The following WWOX variants were observed in gnomAD, a reference collection of about 807,000 sequenced individuals.
WWOX encodes the protein WW domain-containing oxidoreductase.
WWOX carries 69 observed loss-of-function variants against 46.2 expected under a neutral mutation model. The ratio of observed to expected loss-of-function variants is 1.49; its 90% confidence interval spans 1.23 to 1.82. WWOX has a LOEUF of 1.82. Among genes scored for constraint, WWOX ranks in the 40% most tolerant of loss-of-function variants. WWOX has a pLI of 0.00. For synonymous variants in WWOX, 359 were observed against 202.6 expected (o/e 1.77, Z -6.56); for missense variants, 919 against 542.6 (o/e 1.69, Z -6.89).
At chr16:79,180,028 T>G (rs757049526) in intron 8 of WWOX, among the ~76,000 whole-genome samples, 1 of 152,132 alleles carries the variant, frequency 6.6e-6, no homozygotes, top group Non-Finnish European at 1.5e-5. Flanking sequence ...AGAAGATGGT[T>G]GTTGTCTTGA....
chr16:78,831,742 A>G (rs893510209), intron 8 of WWOX, among the ~76,000 whole-genome samples: 1 of 152,228 alleles, frequency 6.6e-6, no homozygotes, highest in African/African-American at 2.4e-5. Flanking sequence ...AGTACTCAGT[A>G]AATACTAGTG....
At chr16:78,363,381 T>C (rs1163784850) in intron 5 of WWOX, among the ~76,000 whole-genome samples, 1 of 152,004 alleles carries the variant, frequency 6.6e-6, no homozygotes, top group East Asian at 1.9e-4. Flanking sequence ...TCCAGTGATT[T>C]TCCTTTCTCA....
intron 8 of WWOX, among the ~76,000 whole-genome samples, chr16:78,762,102 C>G (rs999383734): frequency 6.6e-6 from 1 of 152,288 alleles, no homozygotes; most frequent in Non-Finnish European, 1.5e-5. Context: ...TAACTGCCCA[C>G]AGTAATCCTG....
intron 8 of WWOX, among the ~76,000 whole-genome samples, chr16:78,699,610 C>T (rs1351917432): frequency 2.6e-5 from 4 of 152,130 alleles, no homozygotes. Flanking sequence ...AACACAGCAG[C>T]ATTATTTTTT....
At chr16:79,066,483 C>T (rs935511917) in intron 8 of WWOX, among the ~76,000 whole-genome samples, 2 of 151,204 alleles carry the variant, frequency 1.3e-5, no homozygotes, top group Non-Finnish European at 1.5e-5. Context: ...GAAAGAAGGA[C>T]AGAAGGAAGG....
intron 6 of WWOX, among the ~76,000 whole-genome samples, chr16:78,387,766 A>G (rs1481165295): frequency 6.6e-6 from 1 of 152,186 alleles, no homozygotes; most frequent in East Asian, 1.9e-4. Flanking sequence ...AATTTCATTA[A>G]TAAATAACTT....
At chr16:78,669,788 A>G (rs1408418624) in intron 8 of WWOX, among the ~76,000 whole-genome samples, 1 of 152,166 alleles carries the variant, frequency 6.6e-6, no homozygotes, top group Non-Finnish European at 1.5e-5. Context: ...TGGCACCCCT[A>G]TTGATTATTT....
intron 5 of WWOX, among the ~76,000 whole-genome samples, chr16:78,229,464 A>ATCTC (rs10664323): frequency 0.83 from 122,024 of 146,786 alleles, 51,206 homozygotes; most frequent in African/African-American, 0.94. Flanking sequence ...TTTCTGTTTT[A>ATCTC]TCTCTCTCTA....
intron 8 of WWOX, among the ~76,000 whole-genome samples, chr16:79,131,862 A>AAGG (rs2049885096): frequency 6.6e-6 from 1 of 152,182 alleles, no homozygotes; most frequent in Admixed American, 6.5e-5. Flanking sequence ...GGTGGAAGGC[A>AAGG]AGGAGGAGCA....
rs1217623623 is a variant in WWOX at position 79,136,714 on chromosome 16, C to T, written c.1057-74894C>T. Reference sequence around the variant, plus strand: ...TAGTTGCATGACCTGGGGCAGGTGACTTTATGTGGCTAAGCCTCAGCTTCC... The same window carrying T: ...TAGTTGCATGACCTGGGGCAGGTGATTTTATGTGGCTAAGCCTCAGCTTCC... On this transcript the variant is annotated intron_variant, in intron 8 of 8. Coordinates refer to ENST00000566780, the MANE Select transcript of WWOX (RefSeq NM_016373.4). Among the ~76,000 whole-genome samples the T allele has an allele frequency of 2.6e-5, 4 of 152,170 alleles. No homozygotes were observed. The East Asian group carries it at 7.7e-4, about 29-fold the overall frequency.
chr16:78,106,743 A>G (rs546539335), intron 1 of WWOX, among the ~76,000 whole-genome samples: 45 of 152,132 alleles, frequency 3.0e-4, no homozygotes, highest in Admixed American at 2.4e-3. Flanking sequence ...TGCAAGTGAT[A>G]TTGGATGGTG....
intron 8 of WWOX, among the ~76,000 whole-genome samples, chr16:78,445,839 C>T (rs1296880386): frequency 6.8e-6 from 1 of 146,524 alleles, no homozygotes; most frequent in African/African-American, 2.6e-5. Context: ...GATCGTGCCA[C>T]TGTACTCCAG....
At chr16:79,173,449 A>G (rs933145687) in intron 8 of WWOX, among the ~76,000 whole-genome samples, 23 of 152,326 alleles carry the variant, frequency 1.5e-4, no homozygotes, top group African/African-American at 4.8e-4. Context: ...ACAGGCAGAG[A>G]CTGGGACCAG....
At chr16:78,903,043 G>A (rs1300468063) in intron 8 of WWOX, among the ~76,000 whole-genome samples, 1 of 152,162 alleles carries the variant, frequency 6.6e-6, no homozygotes, top group Non-Finnish European at 1.5e-5. Context: ...CACAAACAAA[G>A]CAAGAGAAGA....
At chr16:78,971,886 G>A (rs2046477895) in intron 8 of WWOX, among the ~76,000 whole-genome samples, 2 of 152,158 alleles carry the variant, frequency 1.3e-5, no homozygotes, top group Non-Finnish European at 2.9e-5. Flanking sequence ...CTCATCAGCA[G>A]AATCGGGATA....
chr16:78,490,488 G>A (rs140472284), intron 8 of WWOX, among the ~76,000 whole-genome samples: 7 of 152,092 alleles, frequency 4.6e-5, no homozygotes, highest in African/African-American at 1.2e-4. Context: ...ATCTATTTAC[G>A]GTTTTCACAA....
chr16:79,204,959 C>G (rs922834767), intron 8 of WWOX: 3 of 152,176 alleles, frequency 2.0e-5, no homozygotes, highest in African/African-American at 7.2e-5. Context: ...TCTTAGTGCT[C>G]TTGCAAGAAA....
chr16:78,616,982 G>C (rs1179518322), intron 8 of WWOX, among the ~76,000 whole-genome samples: 1 of 152,166 alleles, frequency 6.6e-6, no homozygotes. Context: ...TCAGATAGTA[G>C]ACATGATCTG....
chr16:78,761,836 C>A (rs2049802416), intron 8 of WWOX, among the ~76,000 whole-genome samples: 1 of 152,014 alleles, frequency 6.6e-6, no homozygotes, highest in East Asian at 1.9e-4. Context: ...TAAAGCTGAC[C>A]CGACATAGAC....
Sources: gnomAD v4.1 joint callset for allele counts (sites outside exome capture counted in the v4.1 genomes callset) on GRCh38, gnomAD v4.1.1 for gene constraint, MANE v1.5 for transcripts, NCBI Gene and HGNC (gene_info 2026-07-23, HGNC 2026-07-21) for gene names.